TM9SF3: variants seen among roughly 807,000 people sequenced by gnomAD.
TM9SF3 encodes SM-11044-binding protein.
A neutral mutation model predicts 78.6 loss-of-function variants in TM9SF3; 14 were observed. The observed-to-expected ratio is 0.18, with a 90% CI of 0.12 to 0.28. The LOEUF (loss-of-function observed/expected upper bound fraction) is 0.28. Ranked by LOEUF, TM9SF3 falls within the 10% of genes least tolerant of loss-of-function variation. The pLI is 1.00. For synonymous variants in TM9SF3, 231 were observed against 241.7 expected (o/e 0.96, Z 0.41); for missense variants, 496 against 721.9 (o/e 0.69, Z 3.59).
intron 5 of TM9SF3, among the ~76,000 whole-genome samples, chr10:96,558,811 G>A (rs545510695): frequency 3.9e-5 from 6 of 152,170 alleles, no homozygotes; most frequent in African/African-American, 1.4e-4. Context: ...TCAAAAATAG[G>A]TGATTAATAA....
chr10:96,571,585 A>G (rs950031000), intron 2 of TM9SF3, among the ~76,000 whole-genome samples: 7 of 152,234 alleles, frequency 4.6e-5, no homozygotes, highest in Admixed American at 3.3e-4. Flanking sequence ...CGCATGGTGA[A>G]GATAAGAACA....
chr10:96,546,739 A>G (rs1389613730), intron 8 of TM9SF3, among the ~76,000 whole-genome samples: 3 of 152,200 alleles, frequency 2.0e-5, no homozygotes, highest in African/African-American at 7.2e-5. Context: ...AGATTAATAA[A>G]AAAGCAATGG....
At chr10:96,570,323 G>A (rs1183283279) in intron 2 of TM9SF3, among the ~76,000 whole-genome samples, 1 of 152,106 alleles carries the variant, frequency 6.6e-6, no homozygotes, top group Non-Finnish European at 1.5e-5. Flanking sequence ...CAGAAGGACT[G>A]AAGAAAATAC....
intron 1 of TM9SF3, among the ~76,000 whole-genome samples, chr10:96,577,307 C>T (rs1848507771): frequency 6.6e-6 from 1 of 151,532 alleles, no homozygotes; most frequent in Non-Finnish European, 1.5e-5. Flanking sequence ...GCGAGACTTT[C>T]ACACAGCCAC....
chr10:96,544,768 T>TA (rs1183181336), intron 8 of TM9SF3, among the ~76,000 whole-genome samples: 1 of 151,394 alleles, frequency 6.6e-6, no homozygotes, highest in Non-Finnish European at 1.5e-5. Flanking sequence ...AGTGAGTTTT[T>TA]AAAAAAAGAA....
intron 1 of TM9SF3, among the ~76,000 whole-genome samples, chr10:96,578,065 T>C (rs1362919861): frequency 2.0e-5 from 3 of 152,160 alleles, no homozygotes; most frequent in African/African-American, 4.8e-5. Flanking sequence ...CTCTGCACTC[T>C]AGGGAACCCA....
intron 9 of TM9SF3, among the ~76,000 whole-genome samples, chr10:96,543,364 T>A (rs1337661354): frequency 4.7e-4 from 40 of 85,288 alleles, no homozygotes; most frequent in African/African-American, 1.7e-3. Context: ...AGATGGAGTC[T>A]GGCTCTGTCG....
intron 1 of TM9SF3, among the ~76,000 whole-genome samples, chr10:96,583,451 CAT>C (rs1327981930): frequency 2.6e-5 from 4 of 152,172 alleles, no homozygotes; most frequent in Non-Finnish European, 5.9e-5. Flanking sequence ...CTCATTCGAG[CAT>C]TTAAGCATTT....
chr10:96,529,061 A>G (rs919376320), intron 11 of TM9SF3, among the ~76,000 whole-genome samples: 1 of 152,148 alleles, frequency 6.6e-6, no homozygotes, highest in African/African-American at 2.4e-5. Context: ...GCACAAAGAC[A>G]TGTGGTTCAG....
At chr10:96,532,034 C>A (rs993783241) in intron 10 of TM9SF3, among the ~76,000 whole-genome samples, 1 of 151,910 alleles carries the variant, frequency 6.6e-6, no homozygotes, top group Non-Finnish European at 1.5e-5. Flanking sequence ...CACGGTGAAA[C>A]CCCATCTCTA....
intron 4 of TM9SF3, among the ~76,000 whole-genome samples, chr10:96,561,241 TTGAA>T (rs1848304688): frequency 8.9e-6 from 1 of 112,328 alleles, no homozygotes; most frequent in African/African-American, 2.8e-5. Flanking sequence ...CAATAAATAT[TTGAA>T]TGAATAATAA....
At chr10:96,571,504 C>G (rs536005295) in intron 2 of TM9SF3, among the ~76,000 whole-genome samples, 1 of 152,312 alleles carries the variant, frequency 6.6e-6, no homozygotes, top group African/African-American at 2.4e-5. Flanking sequence ...CCTACCATCC[C>G]CCCAGTCCCT....
At chr10:96,565,591 CT>C (rs146162227) in intron 2 of TM9SF3, among the ~76,000 whole-genome samples, 165 bp from the exon 3 acceptor site, 1,876 of 151,708 alleles carry the variant, frequency 0.012, 17 homozygotes, top group Middle Eastern at 0.028. Context: ...CTATTCCTCC[CT>C]TTTTTTGTGT....
At chr10:96,523,597 G>A (rs1168561999) in intron 14 of TM9SF3, among the ~76,000 whole-genome samples, 1 of 151,850 alleles carries the variant, frequency 6.6e-6, no homozygotes, top group African/African-American at 2.4e-5. Flanking sequence ...CAGAAATTAT[G>A]TGCTTTCCTG....
chr10:96,546,460 T>A (rs991759131), intron 8 of TM9SF3, among the ~76,000 whole-genome samples: 3 of 152,168 alleles, frequency 2.0e-5, no homozygotes, highest in Non-Finnish European at 4.4e-5. Context: ...TTTAAATAAA[T>A]CTGTTTCTGC....
intron 2 of TM9SF3, among the ~76,000 whole-genome samples, chr10:96,568,503 T>G (rs1022578726): frequency 6.6e-6 from 1 of 152,222 alleles, no homozygotes; most frequent in African/African-American, 2.4e-5. Flanking sequence ...CTGGACACTA[T>G]GCACCCCAAT....
At chr10:96,538,155 T>TA (rs1195860432) in intron 9 of TM9SF3, among the ~76,000 whole-genome samples, 1 of 152,120 alleles carries the variant, frequency 6.6e-6, no homozygotes, top group East Asian at 1.9e-4. Flanking sequence ...GTATTAGCAT[T>TA]AAAAACAAGA....
intron 7 of TM9SF3, among the ~76,000 whole-genome samples, chr10:96,548,872 T>TC (rs1412544742): frequency 2.0e-5 from 3 of 150,776 alleles, no homozygotes; most frequent in Admixed American, 2.0e-4. Context: ...AGTCTATAGG[T>TC]CCTTCACTTC....
intron 6 of TM9SF3, among the ~76,000 whole-genome samples, chr10:96,552,503 T>C (rs1848185193): frequency 6.6e-6 from 1 of 152,204 alleles, no homozygotes; most frequent in Non-Finnish European, 1.5e-5. Flanking sequence ...GCACTCTATG[T>C]AACACACTTT....
Sources: allele counts gnomAD v4.1 joint callset (sites outside exome capture counted in the v4.1 genomes callset), GRCh38; gene constraint gnomAD v4.1.1; transcripts MANE v1.5; gene names NCBI Gene and HGNC (gene_info 2026-07-23, HGNC 2026-07-21).